The following ACSM1 variants were observed in gnomAD, a reference collection of about 807,000 sequenced individuals.
ACSM1 encodes the protein acyl-CoA synthetase medium chain family member 1.
In ACSM1, 79 loss-of-function variants were observed where a neutral mutation model predicts 75.8. The ratio of observed to expected loss-of-function variants is 1.04; its 90% CI spans 0.87 to 1.26. ACSM1 has a LOEUF of 1.26. Ranked by LOEUF, ACSM1 falls within the 50% of genes most tolerant of loss-of-function variation. ACSM1 has a pLI of 0.00. For missense variants in ACSM1, 676 were observed against 720.1 expected (o/e 0.94, Z 0.70); for synonymous variants, 279 against 265.8 (o/e 1.05, Z -0.48).
rs1219648944 is a variant in ACSM1, at chr16:20,636,836, A to G, written c.1202T>C (p.Ile401Thr). ...KATPPYDVQV[I>T]DDKGSILPPN... Reference sequence around the variant, plus strand: ...TGGCAGGATGCTGCCCTTGTCATCAATGACCTGTAGCAAGAGGCCTGTGAA... The same window carrying G: ...TGGCAGGATGCTGCCCTTGTCATCAGTGACCTGTAGCAAGAGGCCTGTGAA... The change falls in exon 10 of 14, where the codon ATT becomes ACT. Residue 401 changes from isoleucine to threonine, a missense_variant. Transcript: ENST00000520010. 3 of 1,613,492 alleles carry G rather than the reference A, an allele frequency of 1.9e-6. No individual in the cohort carries two copies. Among genetic ancestry groups the G allele is most frequent in the Non-Finnish European group, 8.5e-7 (1 of 1,179,708 alleles).
intron 7 of ACSM1, among the ~76,000 whole-genome samples, chr16:20,653,867 C>T (rs1174776066): frequency 6.6e-6 from 1 of 152,158 alleles, no homozygotes; most frequent in East Asian, 1.9e-4. Flanking sequence ...CCCCATCAAG[C>T]TACCAATGAC....
rs71374824 is a variant in ACSM1 at position 20,672,570 on chromosome 16, T to C, written c.612-899A>G. Among the ~76,000 whole-genome samples, 1,096 of 132,616 alleles carry C rather than the reference T, an allele frequency of 8.3e-3. 12 individuals carry two copies. The highest frequency in any genetic ancestry group is 0.013 in the Non-Finnish European group (832 of 64,608). 87.0% of individuals were successfully genotyped at this position (132,616 alleles called of 152,430 possible). On this transcript the variant is annotated intron_variant, in intron 4 of 13. Transcript: ENST00000520010. Reference sequence around the variant, plus strand: ...ATTATATATAAATATATAAAATATATACTTTTATGTCATATATAATATATA... The same window carrying C: ...ATTATATATAAATATATAAAATATACACTTTTATGTCATATATAATATATA...
chr16:20,652,082 T>C (rs2018678653), intron 7 of ACSM1, among the ~76,000 whole-genome samples: 1 of 152,156 alleles, frequency 6.6e-6, no homozygotes, highest in South Asian at 2.1e-4. Context: ...CCATAAGTTT[T>C]ATTACTTAAG....
intron 4 of ACSM1, among the ~76,000 whole-genome samples, chr16:20,675,317 G>C (rs1044534722): frequency 1.3e-5 from 2 of 152,152 alleles, no homozygotes; most frequent in African/African-American, 4.8e-5. Flanking sequence ...GGAGTAATGT[G>C]GGGAGGCACA....
At chr16:20,627,085 T>A in intron 11 of ACSM1, 104 bp downstream of exon 11, 2 of 1,418,350 alleles carry the variant, frequency 1.4e-6, no homozygotes, top group Non-Finnish European at 1.9e-6. Flanking sequence ...TCTATTCAGA[T>A]TTAGGCTGAA....
chr16:20,669,482 A>ACACC (rs1420663593), intron 6 of ACSM1, among the ~76,000 whole-genome samples: 12 of 142,394 alleles, frequency 8.4e-5, no homozygotes, highest in Middle Eastern at 7.1e-3. Context: ...ACACACACAC[A>ACACC]CCCCAGCTGC....
At chr16:20,651,503 C>T (rs944336501) in intron 7 of ACSM1, among the ~76,000 whole-genome samples, 1 of 152,126 alleles carries the variant, frequency 6.6e-6, no homozygotes, top group Non-Finnish European at 1.5e-5. Flanking sequence ...GTGGCACATG[C>T]CTGCAATCCC....
chr16:20,661,973 C>T, intron 6 of ACSM1, 100 bp from the exon 7 acceptor site: 1 of 673,484 alleles, frequency 1.5e-6, no homozygotes, highest in East Asian at 2.7e-5. Context: ...TAGAAGAGCC[C>T]ATTTGTTAAT....
chr16:20,666,653 G>A (rs1306086346), intron 6 of ACSM1, among the ~76,000 whole-genome samples: 3 of 151,838 alleles, frequency 2.0e-5, no homozygotes, highest in South Asian at 2.1e-4. Context: ...TACCAAAAAG[G>A]GCTTGAATAC....
Position 20,625,408 on chromosome 16 carries a change from C to CT in ACSM1, c.1527+14dup. On this transcript the variant is annotated intron_variant, in intron 12 of 13. Transcript: ENST00000520010. ...TGCCCACGCACAGACATGATGATCT[C>CT]TGTGTTCTCCTCACCTCCCCTCGAA... 1 of 1,612,888 alleles carries CT rather than the reference C, an allele frequency of 6.2e-7. No individual in the cohort carries two copies. Among genetic ancestry groups the CT allele is most frequent in the Non-Finnish European group, 8.5e-7 (1 of 1,179,374 alleles).
At chr16:20,685,079 C>A (rs968180925) in intron 3 of ACSM1, 114 bp downstream of exon 3, 2 of 1,103,610 alleles carry the variant, frequency 1.8e-6, no homozygotes, top group Admixed American at 4.0e-5. Flanking sequence ...GAAACTGGGG[C>A]GAAGGCTTCA....
intron 1 of ACSM1, among the ~76,000 whole-genome samples, chr16:20,696,307 T>C (rs973463946): frequency 6.6e-6 from 1 of 152,216 alleles, no homozygotes; most frequent in African/African-American, 2.4e-5. Flanking sequence ...CTGTCTCTGT[T>C]TCGATATCTA....
At chr16:20,644,579 A>G (rs982685180) in intron 7 of ACSM1, among the ~76,000 whole-genome samples, 3 of 146,788 alleles carry the variant, frequency 2.0e-5, no homozygotes, top group Non-Finnish European at 3.0e-5. Flanking sequence ...ACACACACAC[A>G]TAATGGGTAT....
chr16:20,650,526 T>C (rs933704644), intron 7 of ACSM1, among the ~76,000 whole-genome samples: 12 of 152,044 alleles, frequency 7.9e-5, no homozygotes, highest in South Asian at 6.2e-4. Flanking sequence ...TCAGAGGTCA[T>C]AGACCTCTGG....
chr16:20,692,987 G>A (rs959300160), intron 1 of ACSM1, among the ~76,000 whole-genome samples: 2 of 152,000 alleles, frequency 1.3e-5, no homozygotes, highest in African/African-American at 4.8e-5. Flanking sequence ...TGGCTAACAT[G>A]ATGAAACCCT....
intron 2 of ACSM1, 81 bp downstream of exon 2, chr16:20,690,916 T>C (rs2079641140): frequency 7.1e-7 from 1 of 1,418,398 alleles, no homozygotes; most frequent in Non-Finnish European, 9.6e-7. Flanking sequence ...TTTGGTTCCA[T>C]ACCTTTCAGC....
chr16:20,652,425 G>C (rs1180416101), intron 7 of ACSM1, among the ~76,000 whole-genome samples: 3 of 151,322 alleles, frequency 2.0e-5, no homozygotes, highest in Non-Finnish European at 4.4e-5. Flanking sequence ...AAAATAAAGA[G>C]GTATTTTTGA....
intron 7 of ACSM1, among the ~76,000 whole-genome samples, chr16:20,654,354 T>A (rs527576320): frequency 2.6e-5 from 4 of 152,172 alleles, no homozygotes; most frequent in African/African-American, 9.6e-5. Flanking sequence ...GGACTTCATG[T>A]CTAAAACACC....
chr16:20,689,325 G>A (rs4102379), intron 2 of ACSM1, among the ~76,000 whole-genome samples: 2 of 152,046 alleles, frequency 1.3e-5, no homozygotes, highest in Admixed American at 1.3e-4. Flanking sequence ...GAAATGAGAA[G>A]AAAATCAAAG....
Sources: allele counts gnomAD v4.1 joint callset (sites outside exome capture counted in the v4.1 genomes callset), GRCh38; gene constraint gnomAD v4.1.1; transcripts MANE v1.5; gene names NCBI Gene and HGNC (gene_info 2026-07-23, HGNC 2026-07-21).